LDB2: variants seen among roughly 807,000 people sequenced by gnomAD.
The protein encoded by LDB2 is LIM domain-binding protein 2.
Under a neutral mutation model 44.3 loss-of-function variants are expected in LDB2, and 12 were observed. That is an observed-to-expected ratio of 0.27 (90% confidence interval 0.17 to 0.44). The LOEUF (loss-of-function observed/expected upper bound fraction) is 0.44, where lower values mean the gene tolerates loss of function less well. LDB2 is among the 20% of genes least tolerant of loss of function. The pLI, the probability that LDB2 is intolerant of heterozygous loss-of-function variation, is 1.00. For synonymous variants in LDB2, 164 were observed against 174.8 expected (o/e 0.94, Z 0.49); for missense variants, 344 against 473.5 (o/e 0.73, Z 2.54).
chr4:16,532,315 T>C (rs1730430163), intron 5 of LDB2, among the ~76,000 whole-genome samples: 1 of 152,196 alleles, frequency 6.6e-6, no homozygotes, highest in South Asian at 2.1e-4. Flanking sequence ...ACAGAACTGA[T>C]GCTATTTTTA....
intron 2 of LDB2, among the ~76,000 whole-genome samples, chr4:16,686,050 TA>T (rs991311687): frequency 4.7e-5 from 7 of 150,440 alleles, no homozygotes; most frequent in Non-Finnish European, 1.0e-4. Context: ...AGACTCTGTC[TA>T]AAAAAAAAGG....
At chr4:16,820,969 A>T (rs1781849303) in intron 1 of LDB2, among the ~76,000 whole-genome samples, 2 of 152,194 alleles carry the variant, frequency 1.3e-5, no homozygotes, top group African/African-American at 2.4e-5. Context: ...GTCTTATCAC[A>T]TACTAAATGT....
intron 2 of LDB2, among the ~76,000 whole-genome samples, chr4:16,639,580 G>C (rs1225112838): frequency 6.6e-6 from 1 of 152,154 alleles, no homozygotes; most frequent in East Asian, 1.9e-4. Flanking sequence ...TATTGCCTCA[G>C]CCTGCCAAGT....
At chr4:16,741,930 A>G (rs931643477) in intron 2 of LDB2, among the ~76,000 whole-genome samples, 1 of 152,204 alleles carries the variant, frequency 6.6e-6, no homozygotes, top group Admixed American at 6.5e-5. Context: ...GGCTCTTGCT[A>G]TCTTGTTTAA....
At chr4:16,502,967 G>GAC in intron 7 of LDB2, 94 bp from the exon 8 acceptor site, 1 of 1,602,154 alleles carries the variant, frequency 6.2e-7, no homozygotes, top group Non-Finnish European at 8.5e-7. Context: ...ATCTAGGACA[G>GAC]ACACACTCGT....
intron 1 of LDB2, among the ~76,000 whole-genome samples, chr4:16,809,862 T>C (rs528552503): frequency 2.6e-5 from 4 of 152,346 alleles, no homozygotes; most frequent in Admixed American, 6.5e-5. Context: ...CATAGCAGGA[T>C]GGCTTTGAAG....
intron 1 of LDB2, among the ~76,000 whole-genome samples, chr4:16,783,701 A>G (rs1773804202): frequency 6.6e-6 from 1 of 152,152 alleles, no homozygotes; most frequent in Non-Finnish European, 1.5e-5. Flanking sequence ...GGTTTTTTAC[A>G]TTTTCATTAA....
chr4:16,852,957 C>G (rs1226471620), intron 1 of LDB2, among the ~76,000 whole-genome samples: 3 of 151,918 alleles, frequency 2.0e-5, no homozygotes, highest in African/African-American at 7.3e-5. Context: ...AATCTTTGGC[C>G]CAAATCTCTG....
intron 2 of LDB2, among the ~76,000 whole-genome samples, chr4:16,684,418 A>G (rs1748717566): frequency 6.6e-6 from 1 of 152,216 alleles, no homozygotes; most frequent in African/African-American, 2.4e-5. Flanking sequence ...CATAATAAGA[A>G]CTAACAAATG....
intron 2 of LDB2, among the ~76,000 whole-genome samples, chr4:16,639,269 A>G (rs1301711467): frequency 6.6e-6 from 1 of 152,214 alleles, no homozygotes; most frequent in Non-Finnish European, 1.5e-5. Context: ...TTAAAGGTTA[A>G]AAAGCTAATT....
At chr4:16,592,465 CATAT>C (rs71589671) in intron 3 of LDB2, among the ~76,000 whole-genome samples, 12,277 of 116,188 alleles carry the variant, frequency 0.11, 719 homozygotes, top group Non-Finnish European at 0.12. Flanking sequence ...ATTATACATA[CATAT>C]ATATATATAT....
At chr4:16,769,257 C>T (rs766837966) in intron 1 of LDB2, among the ~76,000 whole-genome samples, 1 of 152,042 alleles carries the variant, frequency 6.6e-6, no homozygotes, top group Non-Finnish European at 1.5e-5. Context: ...TTTTAAATCT[C>T]CCCTTTTTTA....
intron 6 of LDB2, among the ~76,000 whole-genome samples, chr4:16,508,980 A>G (rs1489938466): frequency 6.6e-6 from 1 of 152,214 alleles, no homozygotes; most frequent in East Asian, 1.9e-4. Context: ...TGTAACTACA[A>G]GTACCACTTT....
At chr4:16,714,141 A>G (rs187239604) in intron 2 of LDB2, among the ~76,000 whole-genome samples, 3 of 152,364 alleles carry the variant, frequency 2.0e-5, no homozygotes, top group Admixed American at 6.5e-5. Context: ...GTCTAATAGC[A>G]GTTCCATGCT....
chr4:16,730,619 A>G (rs1294455273), intron 2 of LDB2, among the ~76,000 whole-genome samples: 1 of 152,138 alleles, frequency 6.6e-6, no homozygotes, highest in Non-Finnish European at 1.5e-5. Flanking sequence ...ATTCTATTTT[A>G]TCCATGAGAA....
intron 1 of LDB2, among the ~76,000 whole-genome samples, chr4:16,769,089 C>T (rs956053976): frequency 3.8e-4 from 58 of 152,234 alleles, no homozygotes; most frequent in Admixed American, 3.5e-3. Context: ...GTGCACTGAA[C>T]GTTTGGGTCT....
intron 5 of LDB2, among the ~76,000 whole-genome samples, chr4:16,567,367 A>AGT (rs752692367): frequency 3.7e-4 from 31 of 83,246 alleles, no homozygotes; most frequent in East Asian, 2.2e-3. Flanking sequence ...GCAGACATAG[A>AGT]GTGTGTGTGT....
intron 2 of LDB2, among the ~76,000 whole-genome samples, chr4:16,746,828 T>C (rs987522424): frequency 7.2e-5 from 11 of 152,078 alleles, no homozygotes; most frequent in Non-Finnish European, 1.6e-4. Flanking sequence ...AAATAGGAAG[T>C]GAAATGTAAT....
intron 5 of LDB2, among the ~76,000 whole-genome samples, chr4:16,536,497 A>G (rs377053812): frequency 6.6e-6 from 1 of 152,338 alleles, no homozygotes; most frequent in South Asian, 2.1e-4. Context: ...TTGGAAGTTG[A>G]TGATTTTCCT....
Sources: allele counts gnomAD v4.1 joint callset (sites outside exome capture counted in the v4.1 genomes callset), GRCh38; gene constraint gnomAD v4.1.1; transcripts MANE v1.5; gene names NCBI Gene and HGNC (gene_info 2026-07-23, HGNC 2026-07-21).